The following XRCC4 variants were observed in gnomAD, a reference collection of about 807,000 sequenced individuals.
The protein encoded by XRCC4 is X-ray repair cross complementing 4.
Under a neutral mutation model 39.1 loss-of-function variants are expected in XRCC4, and 28 were observed. That is an observed-to-expected ratio of 0.72 (90% confidence interval 0.53 to 0.98). XRCC4 has a LOEUF of 0.98. Among genes scored for constraint, XRCC4 ranks in the 50% least tolerant of loss-of-function variants. The probability of loss-of-function intolerance (pLI) is 0.00; values close to 1 mark genes in which losing one functional copy is unlikely to be tolerated. For synonymous variants in XRCC4, 123 were observed against 126.4 expected (o/e 0.97, Z 0.18); for missense variants, 350 against 376.4 (o/e 0.93, Z 0.58).
At chr5:83,154,713 A>G (rs564294815) in intron 3 of XRCC4, among the ~76,000 whole-genome samples, 1 of 152,282 alleles carries the variant, frequency 6.6e-6, no homozygotes, top group Non-Finnish European at 1.5e-5. Context: ...GAGCATTTCA[A>G]AATTCCAAGA....
intron 7 of XRCC4, among the ~76,000 whole-genome samples, chr5:83,292,719 C>CTCTTTT (rs3070939): frequency 1.3e-5 from 2 of 151,610 alleles, no homozygotes; most frequent in African/African-American, 2.4e-5. Flanking sequence ...ACACAAGAAA[C>CTCTTTT]TCTTTTTCTT....
At chr5:83,217,160 C>T (rs1177125896) in intron 6 of XRCC4, among the ~76,000 whole-genome samples, 2 of 151,814 alleles carry the variant, frequency 1.3e-5, no homozygotes, top group Non-Finnish European at 2.9e-5. Flanking sequence ...TCAAGACCAG[C>T]CTGGCCAACA....
chr5:83,227,402 T>C (rs1752331685), intron 6 of XRCC4, among the ~76,000 whole-genome samples: 1 of 152,132 alleles, frequency 6.6e-6, no homozygotes, highest in South Asian at 2.1e-4. Flanking sequence ...ACTGCATTGG[T>C]TATACATTTT....
At chr5:83,215,228 A>G (rs1751812290) in intron 6 of XRCC4, among the ~76,000 whole-genome samples, 2 of 152,060 alleles carry the variant, frequency 1.3e-5, no homozygotes, top group Admixed American at 1.3e-4. Flanking sequence ...AGTCCCAGCT[A>G]GTTGGGAGGC....
intron 6 of XRCC4, among the ~76,000 whole-genome samples, chr5:83,235,423 TA>T (rs537660041): frequency 6.9e-6 from 1 of 145,886 alleles, no homozygotes; most frequent in Non-Finnish European, 1.5e-5. Flanking sequence ...TGCAAATCAA[TA>T]AATGTGGTAT....
chr5:83,203,018 T>C (rs1199112276), intron 4 of XRCC4, among the ~76,000 whole-genome samples: 1 of 151,980 alleles, frequency 6.6e-6, no homozygotes, highest in Non-Finnish European at 1.5e-5. Flanking sequence ...GGTATGTGTA[T>C]TGCATTTCTA....
At chr5:83,281,795 T>G (rs980384510) in intron 7 of XRCC4, among the ~76,000 whole-genome samples, 1 of 152,200 alleles carries the variant, frequency 6.6e-6, no homozygotes, top group Non-Finnish European at 1.5e-5. Context: ...TCTGACTACC[T>G]TTGCCTGGAA....
intron 3 of XRCC4, among the ~76,000 whole-genome samples, chr5:83,157,969 G>C (rs963565126): frequency 6.6e-6 from 1 of 152,022 alleles, no homozygotes; most frequent in Non-Finnish European, 1.5e-5. Flanking sequence ...TTCCCCACTT[G>C]CTTTTTATTA....
chr5:83,250,797 A>G (rs1328375594), intron 6 of XRCC4, among the ~76,000 whole-genome samples: 1 of 152,268 alleles, frequency 6.6e-6, no homozygotes, highest in Non-Finnish European at 1.5e-5. Context: ...CTTTCAAAAA[A>G]AGCATCTATA....
At chr5:83,341,115 C>A (rs1431889786) in intron 7 of XRCC4, among the ~76,000 whole-genome samples, 1 of 151,850 alleles carries the variant, frequency 6.6e-6, no homozygotes, top group Non-Finnish European at 1.5e-5. Context: ...CTTCTGCCAC[C>A]AGATTCATTT....
chr5:83,347,945 A>G (rs973231834), intron 7 of XRCC4, among the ~76,000 whole-genome samples: 4 of 152,236 alleles, frequency 2.6e-5, no homozygotes, highest in Admixed American at 2.6e-4. Flanking sequence ...TACAGGCCCC[A>G]TGCAAGTCCG....
chr5:83,134,713 G>A (rs12517930), intron 3 of XRCC4, among the ~76,000 whole-genome samples: 9,640 of 152,222 alleles, frequency 0.063, 1,011 homozygotes, highest in East Asian at 0.48. Flanking sequence ...TGTTGTGGAA[G>A]CTTTGTTCTT....
intron 6 of XRCC4, among the ~76,000 whole-genome samples, chr5:83,236,869 A>G (rs74672892): frequency 8.2e-6 from 1 of 122,306 alleles, no homozygotes; most frequent in Non-Finnish European, 1.6e-5. Context: ...TCAATAGGTG[A>G]AAAAAAAAAA....
intron 3 of XRCC4, among the ~76,000 whole-genome samples, chr5:83,122,557 ATTGT>A (rs1451652095): frequency 6.6e-6 from 1 of 152,126 alleles, no homozygotes; most frequent in African/African-American, 2.4e-5. Context: ...TTACTCAGCA[ATTGT>A]TTGTAGTTTT....
At chr5:83,359,686 C>G in the XRCC4 span, among the ~76,000 whole-genome samples, 1 of 152,086 alleles carries the variant, frequency 6.6e-6, no homozygotes, top group African/African-American at 2.4e-5. Flanking sequence ...AATAAGGAAA[C>G]AGAATACATT....
In XRCC4 at chr5:83,204,881, G is replaced by A. The variant is rs149669819; in HGVS notation, c.705G>A (p.Glu235=). 8.7e-6 allele frequency: 14 copies of A among 1,612,258 alleles called. No individual in the cohort carries two copies. The South Asian group carries it at 1.1e-4, about 13-fold the overall frequency. The change falls in exon 6 of 8, where the codon GAG becomes GAA. Residue 235 remains glutamate, a synonymous_variant. Transcript: ENST00000396027. ...RDPVYDESTD[E]ESENQTDLSG... ...CAGTCTATGATGAGAGTACTGATGA[G>A]GAAAGTGAAAACCAAACTGATCTCT...
chr5:83,124,430 G>A (rs530798239), intron 3 of XRCC4, among the ~76,000 whole-genome samples: 4 of 152,172 alleles, frequency 2.6e-5, no homozygotes, highest in African/African-American at 9.6e-5. Context: ...CCACCAAATC[G>A]TTGAATGTAT....
At chr5:83,259,593 A>G (rs549559260) in intron 7 of XRCC4, among the ~76,000 whole-genome samples, 1 of 152,220 alleles carries the variant, frequency 6.6e-6, no homozygotes, top group Non-Finnish European at 1.5e-5. Flanking sequence ...ACTGTTTTCA[A>G]TCAAACCAGC....
chr5:83,124,813 C>T (rs147588803), intron 3 of XRCC4, among the ~76,000 whole-genome samples: 1 of 152,150 alleles, frequency 6.6e-6, no homozygotes, highest in African/African-American at 2.4e-5. Flanking sequence ...TACCTTTCGC[C>T]CTTTTAGAAA....
Sources: allele counts gnomAD v4.1 joint callset (sites outside exome capture counted in the v4.1 genomes callset), GRCh38; gene constraint gnomAD v4.1.1; transcripts MANE v1.5; gene names NCBI Gene and HGNC (gene_info 2026-07-23, HGNC 2026-07-21).